The following MIS18A variants were observed in gnomAD, a reference collection of about 807,000 sequenced individuals.
The protein encoded by MIS18A is protein Mis18-alpha.
MIS18A carries 14 observed loss-of-function variants against 25.0 expected under a neutral mutation model. The ratio of observed to expected loss-of-function variants is 0.56; its 90% CI spans 0.37 to 0.88. MIS18A has a LOEUF of 0.88. MIS18A is among the 40% of genes least tolerant of loss of function. MIS18A has a pLI of 0.00. For missense variants in MIS18A, 292 were observed against 290.8 expected (o/e 1.00, Z -0.03); for synonymous variants, 134 against 118.6 (o/e 1.13, Z -0.84).
chr21:32,170,809 A>G, the MIS18A span, among the ~76,000 whole-genome samples: 1 of 152,112 alleles, frequency 6.6e-6, no homozygotes, highest in South Asian at 2.1e-4. Context: ...CATCCCAGGA[A>G]TGTAAGGTTA....
At position 32,276,700 on chromosome 21, in the gene MIS18A, G is replaced by C. The variant is rs1208410723; in HGVS notation, c.335-1804C>G. ...ACTCCCAGCACTTTAGGAGGCCGAA[G>C]CAGGGGATTGCTTGGGGCCAGGAGT... On this transcript the variant is annotated intron_variant, in intron 1 of 4. Coordinates refer to ENST00000290130, the MANE Select transcript of MIS18A (RefSeq NM_018944.3). Among the ~76,000 whole-genome samples, 5 of 152,216 alleles carry C rather than the reference G, an allele frequency of 3.3e-5. No homozygotes were observed. The East Asian group carries it at 9.7e-4, about 29-fold the overall frequency.
the MIS18A span, among the ~76,000 whole-genome samples, chr21:32,239,944 C>A: frequency 6.6e-6 from 1 of 152,352 alleles, no homozygotes; most frequent in Admixed American, 6.5e-5. Context: ...TCCTGATCAC[C>A]TTTCCTGAAC....
At chr21:32,231,663 C>G in the MIS18A span, among the ~76,000 whole-genome samples, 1 of 152,070 alleles carries the variant, frequency 6.6e-6, no homozygotes, top group Non-Finnish European at 1.5e-5. Context: ...GAGTTAATAC[C>G]AGCACTTTGG....
At chr21:32,189,124 G>A in the MIS18A span, among the ~76,000 whole-genome samples, 10,751 of 20,578 alleles carry the variant, frequency 0.52, 542 homozygotes, top group South Asian at 0.55. Context: ...AAAAGCAGGC[G>A]GTGTGCGGAC....
chr21:32,190,444 G>A, the MIS18A span, among the ~76,000 whole-genome samples: 5 of 152,178 alleles, frequency 3.3e-5, no homozygotes, highest in Non-Finnish European at 7.3e-5. Flanking sequence ...ATCTGATGAA[G>A]TACCCAGTTC....
At chr21:32,199,789 G>A in the MIS18A span, among the ~76,000 whole-genome samples, 2 of 152,090 alleles carry the variant, frequency 1.3e-5, no homozygotes, top group Non-Finnish European at 2.9e-5. Context: ...CTGGGCAACA[G>A]AGCGAGACTC....
chr21:32,211,058 T>C, the MIS18A span, among the ~76,000 whole-genome samples: 1,126 of 152,258 alleles, frequency 7.4e-3, 25 homozygotes, highest in South Asian at 0.065. Context: ...TTTTTTTCCT[T>C]GAGATGGAGT....
At chr21:32,171,018 C>G in the MIS18A span, among the ~76,000 whole-genome samples, 2 of 152,056 alleles carry the variant, frequency 1.3e-5, no homozygotes, top group East Asian at 3.8e-4. Context: ...AAAAAACCTA[C>G]AGTTATCATT....
the MIS18A span, among the ~76,000 whole-genome samples, chr21:32,221,977 A>G: frequency 6.6e-6 from 1 of 152,204 alleles, no homozygotes; most frequent in Non-Finnish European, 1.5e-5. Context: ...AAACGTCCCA[A>G]TTAAAAGACT....
At chr21:32,274,150 G>A (rs928632944) in intron 2 of MIS18A, among the ~76,000 whole-genome samples, 1 of 151,154 alleles carries the variant, frequency 6.6e-6, no homozygotes, top group African/African-American at 2.4e-5. Flanking sequence ...TTAGCCTAAG[G>A]CACCCTTTAA....
intron 2 of MIS18A, among the ~76,000 whole-genome samples, chr21:32,273,889 T>C (rs911398851): frequency 6.6e-6 from 1 of 152,202 alleles, no homozygotes; most frequent in African/African-American, 2.4e-5. Flanking sequence ...CAGTTTACAT[T>C]TGCAGCAACA....
the MIS18A span, among the ~76,000 whole-genome samples, chr21:32,192,521 G>T: frequency 6.6e-5 from 10 of 152,138 alleles, no homozygotes; most frequent in Non-Finnish European, 1.3e-4. Context: ...TTGTAGGGGG[G>T]GTCAGAGACT....
chr21:32,170,158 T>C, the MIS18A span, among the ~76,000 whole-genome samples: 1 of 152,094 alleles, frequency 6.6e-6, no homozygotes, highest in Admixed American at 6.6e-5. Flanking sequence ...AGAAAATTAC[T>C]GGGTATATAC....
the MIS18A span, among the ~76,000 whole-genome samples, chr21:32,228,473 T>C: frequency 6.6e-6 from 1 of 152,154 alleles, no homozygotes; most frequent in African/African-American, 2.4e-5. Flanking sequence ...GCATTTCTAT[T>C]CAACATTTAG....
chr21:32,241,601 C>A, the MIS18A span, among the ~76,000 whole-genome samples: 1 of 152,128 alleles, frequency 6.6e-6, no homozygotes, highest in African/African-American at 2.4e-5. Flanking sequence ...CTAGACCAGA[C>A]TGTCTGAAGC....
the MIS18A span, among the ~76,000 whole-genome samples, chr21:32,242,323 G>A: frequency 6.6e-6 from 1 of 152,298 alleles, no homozygotes; most frequent in Non-Finnish European, 1.5e-5. Flanking sequence ...CATTTCGGAA[G>A]GTGAAAGCCA....
Position 32,278,760 on chromosome 21 carries a change from G to C in MIS18A, c.255C>G (p.Cys85Trp). ...AAEERPLVFL[C>W]SGCRRPLGDS... Reference sequence around the variant, plus strand: ...CGCCCAGCGGCCGCCGGCAGCCGGAGCACAGGAACACCAGCGGCCTCTCCT... The same window carrying C: ...CGCCCAGCGGCCGCCGGCAGCCGGACCACAGGAACACCAGCGGCCTCTCCT... Residue 85 changes from cysteine (C) to tryptophan (W), a missense_variant, in exon 1 of 5, where the codon TGC becomes TGG. Cys to Trp is a radical substitution (Grantham distance 215). Transcript: ENST00000290130. The C allele has an allele frequency of 2.5e-6, 4 of 1,579,160 alleles. No individual in the cohort carries two copies. Among genetic ancestry groups the C allele is most frequent in the East Asian group, 4.6e-5 (2 of 43,868 alleles).
chr21:32,270,946 T>C (rs2031703831), intron 2 of MIS18A, among the ~76,000 whole-genome samples: 1 of 152,180 alleles, frequency 6.6e-6, no homozygotes, highest in Non-Finnish European at 1.5e-5. Context: ...TCCAATAAAC[T>C]CGTATTCACA....
At chr21:32,174,569 C>T in the MIS18A span, among the ~76,000 whole-genome samples, 1 of 152,096 alleles carries the variant, frequency 6.6e-6, no homozygotes, top group Non-Finnish European at 1.5e-5. Context: ...GTCAATTTCC[C>T]AGGAAGATAC....
Sources: gnomAD v4.1 joint callset for allele counts (sites outside exome capture counted in the v4.1 genomes callset) on GRCh38, gnomAD v4.1.1 for gene constraint, MANE v1.5 for transcripts, NCBI Gene and HGNC (gene_info 2026-07-23, HGNC 2026-07-21) for gene names.